Variants in POC1B observed in about 807,000 individuals in gnomAD.
POC1B encodes POC1 centriolar protein B, also known as POC1 centriolar protein homolog B.
A neutral mutation model predicts 60.6 loss-of-function variants in POC1B; 44 were observed. The observed-to-expected ratio is 0.73, with a 90% CI of 0.57 to 0.93. The LOEUF (loss-of-function observed/expected upper bound fraction) is 0.93, where lower values mean the gene tolerates loss of function less well. Ranked by LOEUF, POC1B falls within the 40% of genes least tolerant of loss-of-function variation. The pLI is 0.00. For synonymous variants in POC1B, 180 were observed against 198.9 expected (o/e 0.90, Z 0.80); for missense variants, 555 against 572.3 (o/e 0.97, Z 0.31).
At chr12:89,449,524 G>A (rs1881950688) in intron 10 of POC1B, among the ~76,000 whole-genome samples, 1 of 152,028 alleles carries the variant, frequency 6.6e-6, no homozygotes, top group African/African-American at 2.4e-5. Flanking sequence ...GAAAAAAGGG[G>A]AAACAATTCC....
chr12:89,509,398 G>T (rs1393997822), intron 2 of POC1B, among the ~76,000 whole-genome samples: 1 of 152,096 alleles, frequency 6.6e-6, no homozygotes, highest in Non-Finnish European at 1.5e-5. Context: ...GTTCTAAGAT[G>T]TACTTCTCCC....
intron 10 of POC1B, among the ~76,000 whole-genome samples, chr12:89,442,667 C>A (rs1881579529): frequency 6.6e-6 from 1 of 152,170 alleles, no homozygotes; most frequent in Non-Finnish European, 1.5e-5. Flanking sequence ...ATTGTAAAGA[C>A]CATTGATGCT....
intron 10 of POC1B, among the ~76,000 whole-genome samples, chr12:89,445,883 T>A (rs1007455628): frequency 6.6e-5 from 10 of 152,264 alleles, no homozygotes; most frequent in African/African-American, 2.4e-4. Context: ...ATATCCAGCA[T>A]CTACAAAGAA....
the POC1B span, among the ~76,000 whole-genome samples, chr12:89,408,708 C>T: frequency 4.6e-5 from 7 of 152,058 alleles, no homozygotes; most frequent in Non-Finnish European, 8.8e-5. Flanking sequence ...AGGATGGTCT[C>T]GATCTCCTGA....
At position 89,514,402 on chromosome 12, in the gene POC1B, C is replaced by CTTATTT. The variant is rs772337483; in HGVS notation, c.100+10717_100+10718insAAATAA. On this transcript the variant is annotated intron_variant, in intron 2 of 11. Coordinates refer to ENST00000313546, the MANE Select transcript of POC1B (RefSeq NM_172240.3). ...ATAAGTTACTCAGTTTCATGTATTT[C>CTTATTT]TTTTTTTTTTTTTTTTTTTTTTTTT... Among the ~76,000 whole-genome samples, 21 of 67,094 alleles carry CTTATTT rather than the reference C, an allele frequency of 3.1e-4. 1 individual carries two copies. The East Asian group carries it at 8.6e-3, about 28-fold the overall frequency. The allele number at this position is 67,094 out of a possible 152,430, so 44.0% of individuals were successfully genotyped here.
chr12:89,500,273 A>C (rs1869487062), intron 2 of POC1B: 1 of 1,547,610 alleles, frequency 6.5e-7, no homozygotes. Flanking sequence ...ATCAGTGCTT[A>C]ATTCAACACG....
chr12:89,523,482 C>T lies in POC1B; in HGVS notation c.100+1638G>A, dbSNP rs752426778. The T allele has an allele frequency of 6.8e-6, 11 of 1,612,652 alleles. No individual in the cohort carries two copies. The South Asian group carries it at 7.7e-5, about 11-fold the overall frequency. On this transcript the variant is annotated intron_variant, in intron 2 of 11. Transcript: ENST00000313546. ...GGAACACATGGCCCACGTGGGAACA[C>T]GGGTGGATCTCCAATTTGCCACCAC...
rs1882905616 is a variant in POC1B, at chr12:89,471,732, A to G, written c.561-3T>C. 10 of 1,510,398 alleles carry G rather than the reference A, an allele frequency of 6.6e-6. No individual in the cohort carries two copies. Among genetic ancestry groups the G allele is most frequent in the Non-Finnish European group, 9.0e-6 (10 of 1,107,798 alleles). The allele number at this position is 1,510,398 out of a possible 1,614,324, so 93.6% of individuals were successfully genotyped here. On this transcript the variant is annotated splice_region_variant and splice_polypyrimidine_tract_variant and intron_variant, in intron 5 of 11. Transcript: ENST00000313546. Reference sequence around the variant, plus strand: ...TAAAGTCCACAAAATTTGCAAATCTAGGAGGAAAGAATAAGATGACCTAAT... The same window carrying G: ...TAAAGTCCACAAAATTTGCAAATCTGGGAGGAAAGAATAAGATGACCTAAT...
intron 10 of POC1B, among the ~76,000 whole-genome samples, chr12:89,438,540 A>G (rs1179081187): frequency 6.6e-6 from 1 of 152,246 alleles, no homozygotes; most frequent in African/African-American, 2.4e-5. Context: ...CATTTTTCAA[A>G]CTTTCTCTGG....
intron 2 of POC1B, chr12:89,522,774 G>T (rs774490320): frequency 1.3e-6 from 2 of 1,523,956 alleles, no homozygotes; most frequent in Non-Finnish European, 8.8e-7. Flanking sequence ...TGACTTTCTT[G>T]ACACTACTGT....
the POC1B span, among the ~76,000 whole-genome samples, chr12:89,412,281 G>A: frequency 2.6e-5 from 4 of 151,770 alleles, no homozygotes; most frequent in South Asian, 4.2e-4. Context: ...AACAGTAGTC[G>A]TTTCTTAAGT....
intron 4 of POC1B, among the ~76,000 whole-genome samples, chr12:89,480,318 G>A (rs972637930): frequency 2.6e-5 from 4 of 151,028 alleles, no homozygotes; most frequent in Admixed American, 2.0e-4. Context: ...TGTATTTTTT[G>A]TAGAGATGGG....
At chr12:89,470,872 C>G (rs960197581) in intron 6 of POC1B, among the ~76,000 whole-genome samples, 1 of 152,138 alleles carries the variant, frequency 6.6e-6, no homozygotes, top group African/African-American at 2.4e-5. Flanking sequence ...AGTGTGGAGA[C>G]AGTTTGAAAC....
chr12:89,487,826 A>G (rs1398582992), intron 4 of POC1B, among the ~76,000 whole-genome samples: 1 of 152,046 alleles, frequency 6.6e-6, no homozygotes, highest in Non-Finnish European at 1.5e-5. Flanking sequence ...TGGGACTGAA[A>G]CGGCTTTCTT....
downstream of POC1B, among the ~76,000 whole-genome samples, chr12:89,416,005 G>C (rs1880357152): frequency 6.6e-6 from 1 of 152,128 alleles, no homozygotes; most frequent in African/African-American, 2.4e-5. Context: ...ACTGCTTTTG[G>C]CTTTAAGTGA....
rs769381793 is a variant in POC1B at position 89,459,712 on chromosome 12, G to A, written c.1039C>T (p.Pro347Ser). 1.1e-5 allele frequency: 17 copies of A among 1,532,572 alleles called. No homozygotes were observed. Among genetic ancestry groups the A allele is most frequent in the Non-Finnish European group, 1.5e-5 (17 of 1,135,154 alleles). The allele number at this position is 1,532,572 out of a possible 1,614,324, so 94.9% of individuals were successfully genotyped here. A position where few individuals can be genotyped will look rare whatever the true frequency, so the allele number is the denominator to read the frequency against. The change falls in exon 10 of 12, where the codon CCA becomes TCA. Residue 347 changes from proline (P) to serine (S), a missense_variant. Physicochemically the swap from Pro to Ser is moderately conservative, Grantham distance 74 (BLOSUM62 -1). Transcript: ENST00000313546. ...EEKVETVEIN[P>S]KLEVIDLQIS... is the part of the protein sequence containing the mutation. ...TGCAAATCGATTACCTCAAGCTTTG[G>A]ATTAATCTGTGTATATACATAAAAA... is the stretch of plus-strand genomic sequence containing the variant.
At chr12:89,475,653 T>C (rs1050232410) in intron 4 of POC1B, among the ~76,000 whole-genome samples, 2 of 152,168 alleles carry the variant, frequency 1.3e-5, no homozygotes, top group Admixed American at 1.3e-4. Flanking sequence ...TAACTAGACT[T>C]TTAAGAATTT....
chr12:89,424,986 CA>C (rs1477578997), intron 11 of POC1B, among the ~76,000 whole-genome samples, 174 bp downstream of exon 11: 1 of 152,138 alleles, frequency 6.6e-6, no homozygotes, highest in East Asian at 1.9e-4. Context: ...CACACAAATG[CA>C]TAGGCTCTGA....
chr12:89,503,247 TGCGATTGCAG>T (rs1044952101), intron 2 of POC1B, among the ~76,000 whole-genome samples: 1 of 150,404 alleles, frequency 6.6e-6, no homozygotes, highest in Non-Finnish European at 1.5e-5. Context: ...GCCGAGTGCC[TGCGATTGCAG>T]GCACGCGCCG....
Sources: gnomAD v4.1 joint callset for allele counts (sites outside exome capture counted in the v4.1 genomes callset) on GRCh38, gnomAD v4.1.1 for gene constraint, MANE v1.5 for transcripts, NCBI Gene and HGNC (gene_info 2026-07-23, HGNC 2026-07-21) for gene names.